WDR27: variants seen among roughly 807,000 people sequenced by gnomAD.
WDR27 encodes the protein WD repeat domain 27.
Under a neutral mutation model 114.4 loss-of-function variants are expected in WDR27, and 100 were observed. The ratio of observed to expected loss-of-function variants is 0.87; its 90% confidence interval spans 0.74 to 1.03. The LOEUF is 1.03. WDR27 is among the 50% of genes least tolerant of loss of function. The pLI, the probability that WDR27 is intolerant of heterozygous loss-of-function variation, is 0.00. For missense variants in WDR27, 1,129 were observed against 1,092.9 expected (o/e 1.03, Z -0.47); for synonymous variants, 449 against 423.1 (o/e 1.06, Z -0.75).
intron 20 of WDR27, 45 bp from the exon 21 acceptor site, chr6:169,633,113 T>C (rs1315434854): frequency 5.8e-6 from 9 of 1,549,240 alleles, no homozygotes; most frequent in Non-Finnish European, 7.9e-6. Flanking sequence ...CTCTTACCCA[T>C]GGGGAAGGGA....
chr6:169,447,256 T>C, the WDR27 span, among the ~76,000 whole-genome samples: 1 of 152,246 alleles, frequency 6.6e-6, no homozygotes, highest in East Asian at 1.9e-4. Flanking sequence ...TGTGTTTTTA[T>C]GTTAGTATAT....
At chr6:169,641,348 G>C (rs1819114167) in intron 17 of WDR27, among the ~76,000 whole-genome samples, 3 of 152,286 alleles carry the variant, frequency 2.0e-5, no homozygotes, top group Admixed American at 2.0e-4. Context: ...CACGAAGCAA[G>C]GTGCCCATGG....
chr6:169,651,183 C>CGGGGGGG (rs763059214), intron 14 of WDR27, among the ~76,000 whole-genome samples: 2 of 7,726 alleles, frequency 2.6e-4, no homozygotes, highest in Non-Finnish European at 2.5e-4. Context: ...CAGTGCGGGG[C>CGGGGGGG]GGGGGGGGGG....
At chr6:169,580,788 A>G (rs981248289) in intron 24 of WDR27, among the ~76,000 whole-genome samples, 1 of 151,992 alleles carries the variant, frequency 6.6e-6, no homozygotes, top group Non-Finnish European at 1.5e-5. Context: ...TTGATTTATA[A>G]TGCTGGGAAA....
intron 6 of WDR27, chr6:169,666,797 A>G: frequency 9.8e-7 from 1 of 1,022,104 alleles, no homozygotes; most frequent in Non-Finnish European, 1.2e-6. Context: ...TGGCCCTACC[A>G]ACACCGCTGG....
intron 25 of WDR27, among the ~76,000 whole-genome samples, chr6:169,476,121 T>C (rs924483170): frequency 1.3e-5 from 2 of 152,200 alleles, no homozygotes; most frequent in African/African-American, 4.8e-5. Context: ...TAAAAGAGTC[T>C]TGGAACATGT....
At position 169,457,496 on chromosome 6, in the gene WDR27, G is replaced by A; in HGVS notation, c.*96C>T. 4.7e-6 allele frequency: 5 copies of A among 1,067,320 alleles called. No homozygotes were observed. Among genetic ancestry groups the A allele is most frequent in the South Asian group, 1.7e-5 (1 of 59,970 alleles). The allele number at this position is 1,067,320 out of a possible 1,614,324, so 66.1% of individuals were successfully genotyped here. On this transcript the variant is annotated 3_prime_UTR_variant, in exon 26 of 26. Transcript: ENST00000448612. ...TCTCAAAATATGAAAAACAGTTGCT[G>A]CTTCTGGCCCCCTGATGGATGAACC...
intron 1 of WDR27, among the ~76,000 whole-genome samples, chr6:169,691,433 C>T (rs1169520449): frequency 6.6e-6 from 1 of 152,064 alleles, no homozygotes; most frequent in African/African-American, 2.4e-5. Flanking sequence ...ACCACAGTTA[C>T]TCAGTAGACT....
rs1828381290 is a variant in WDR27 at position 169,668,074 on chromosome 6, GCTCGGC to G, written c.562_567del (p.Ala188_Glu189del). On this transcript the variant is annotated inframe_deletion, in exon 5 of 26. Transcript: ENST00000448612. ...GTCACCGGGCCCAGGTGGCCCTGCAGCTCGGCCCGAACAGCCTGAGTCTGAGAGAAT... is the reference window on the plus strand; with the variant it reads ...GTCACCGGGCCCAGGTGGCCCTGCAGCCGAACAGCCTGAGTCTGAGAGAAT... The G allele has an allele frequency of 3.1e-6, 5 of 1,613,840 alleles. No homozygotes were observed. The highest frequency in any genetic ancestry group is 4.2e-6 in the Non-Finnish European group (5 of 1,179,820).
At chr6:169,589,442 C>G (rs555967273) in intron 23 of WDR27, among the ~76,000 whole-genome samples, 8 of 152,308 alleles carry the variant, frequency 5.3e-5, no homozygotes, top group African/African-American at 1.4e-4. Flanking sequence ...AAAGCGCTTC[C>G]TGAGATCAGC....
chr6:169,551,737 C>CAAAAAAAAAA (rs1296878043), intron 25 of WDR27, among the ~76,000 whole-genome samples: 1 of 60,706 alleles, frequency 1.6e-5, no homozygotes, highest in African/African-American at 4.5e-5. Context: ...GACTCCATCT[C>CAAAAAAAAAA]AAAAAAAAAA....
chr6:169,525,420 C>G (rs1794834879), intron 25 of WDR27, among the ~76,000 whole-genome samples: 1 of 151,216 alleles, frequency 6.6e-6, no homozygotes, highest in Non-Finnish European at 1.5e-5. Context: ...CCTGTAGTCC[C>G]AGCTACTCGG....
intron 25 of WDR27, among the ~76,000 whole-genome samples, chr6:169,569,506 A>G (rs1486510384): frequency 6.6e-6 from 1 of 152,222 alleles, no homozygotes; most frequent in African/African-American, 2.4e-5. Flanking sequence ...CAAAAATAAA[A>G]TGTAAGATGG....
the WDR27 span, among the ~76,000 whole-genome samples, chr6:169,451,683 G>A: frequency 6.6e-6 from 1 of 152,176 alleles, no homozygotes; most frequent in South Asian, 2.1e-4. Context: ...CCTTGTCAAC[G>A]TTTGGTATTG....
At chr6:169,516,822 C>T (rs1793725090) in intron 25 of WDR27, among the ~76,000 whole-genome samples, 1 of 151,650 alleles carries the variant, frequency 6.6e-6, no homozygotes, top group South Asian at 2.1e-4. Context: ...CACACACACA[C>T]ACACACACAC....
chr6:169,464,512 CA>C (rs1785299272), intron 25 of WDR27, among the ~76,000 whole-genome samples: 1 of 152,016 alleles, frequency 6.6e-6, no homozygotes, highest in Non-Finnish European at 1.5e-5. Flanking sequence ...CCCAGGCAAT[CA>C]GAGAAAAAAT....
chr6:169,650,420 CCA>C (rs1254692018), intron 14 of WDR27, among the ~76,000 whole-genome samples: 1 of 147,802 alleles, frequency 6.8e-6, no homozygotes, highest in Non-Finnish European at 1.5e-5. Context: ...ATCTATCCAC[CCA>C]CTCATCCACC....
chr6:169,548,578 A>G (rs1202126192), intron 25 of WDR27, among the ~76,000 whole-genome samples: 2 of 152,228 alleles, frequency 1.3e-5, no homozygotes, highest in African/African-American at 2.4e-5. Flanking sequence ...TATTTCATAT[A>G]CTGAGAAGAG....
At chr6:169,557,368 G>A (rs1799052581) in intron 25 of WDR27, among the ~76,000 whole-genome samples, 2 of 152,238 alleles carry the variant, frequency 1.3e-5, no homozygotes, top group South Asian at 2.1e-4. Context: ...TTTCCACCTT[G>A]GAGAGTGGAA....
Sources: gnomAD v4.1 joint callset for allele counts (sites outside exome capture counted in the v4.1 genomes callset) on GRCh38, gnomAD v4.1.1 for gene constraint, MANE v1.5 for transcripts, NCBI Gene and HGNC (gene_info 2026-07-23, HGNC 2026-07-21) for gene names.